TRHDE: variants seen among roughly 807,000 people sequenced by gnomAD.
TRHDE encodes thyrotropin-releasing hormone-degrading ectoenzyme.
A neutral mutation model predicts 125.7 loss-of-function variants in TRHDE; 72 were observed. The observed-to-expected ratio is 0.57, with a 90% CI of 0.47 to 0.70. The LOEUF is 0.70. Among genes scored for constraint, TRHDE ranks in the 30% least tolerant of loss-of-function variants. The pLI is 0.00. For missense variants in TRHDE, 1,110 were observed against 1,327.1 expected (o/e 0.84, Z 2.54); for synonymous variants, 509 against 509.1 (o/e 1.00, Z 0.00).
intron 2 of TRHDE, among the ~76,000 whole-genome samples, chr12:72,246,738 T>C (rs1462568977): frequency 2.0e-5 from 3 of 152,238 alleles, no homozygotes; most frequent in African/African-American, 7.2e-5. Flanking sequence ...GTTGGAAAAG[T>C]CATTTTCTTC....
intron 2 of TRHDE, among the ~76,000 whole-genome samples, chr12:72,187,441 G>C (rs1010189103): frequency 2.9e-5 from 4 of 137,174 alleles, no homozygotes; most frequent in African/African-American, 2.9e-5. Context: ...GGCCCGAGGT[G>C]GGGGGGGTGG....
intron 5 of TRHDE, among the ~76,000 whole-genome samples, chr12:72,480,221 C>G (rs987928113): frequency 8.0e-5 from 12 of 150,550 alleles, no homozygotes; most frequent in African/African-American, 3.0e-4. Context: ...AGTTCTAGAT[C>G]CCTGAGGAAT....
chr12:72,621,330 T>G, intron 14 of TRHDE, 125 bp downstream of exon 14: 2 of 693,824 alleles, frequency 2.9e-6, no homozygotes, highest in Non-Finnish European at 4.9e-6. Flanking sequence ...ACATTTCACT[T>G]TCCCGAGAGG....
intron 2 of TRHDE, among the ~76,000 whole-genome samples, chr12:72,231,919 C>A (rs923862401): frequency 6.6e-6 from 1 of 152,138 alleles, no homozygotes; most frequent in Non-Finnish European, 1.5e-5. Context: ...TTAGTTACAG[C>A]AGACCCAAGA....
At chr12:72,286,351 A>G (rs1019181168) in intron 1 of TRHDE, among the ~76,000 whole-genome samples, 2 of 152,232 alleles carry the variant, frequency 1.3e-5, no homozygotes, top group Admixed American at 6.5e-5. Flanking sequence ...AAGCACACTG[A>G]AAAGGAGAAT....
intron 12 of TRHDE, among the ~76,000 whole-genome samples, chr12:72,593,871 T>C (rs1871805146): frequency 6.6e-6 from 1 of 152,236 alleles, no homozygotes; most frequent in Admixed American, 6.5e-5. Flanking sequence ...CTGCATAGTA[T>C]TCCATGGTGT....
In TRHDE at chr12:72,298,696, G is replaced by A. The variant is rs533175065; in HGVS notation, c.1188+11742G>A. Among the ~76,000 whole-genome samples the A allele has an allele frequency of 3.1e-3, 473 of 152,104 alleles. 1 individual carries two copies. Among genetic ancestry groups the A allele is most frequent in the Non-Finnish European group, 5.8e-3 (395 of 68,014 alleles). ...TTGATTGTATGCTTTAGGCAGAGGG[G>A]AACCATTGAAGGATTTGAGCTTGGG... On this transcript the variant is annotated intron_variant, in intron 2 of 18. Coordinates refer to ENST00000261180, the MANE Select transcript of TRHDE (RefSeq NM_013381.3).
chr12:72,112,716 TTC>T (rs1875348055), intron 2 of TRHDE, among the ~76,000 whole-genome samples: 2 of 152,206 alleles, frequency 1.3e-5, no homozygotes, highest in African/African-American at 4.8e-5. Context: ...TGACTTACAT[TTC>T]TCTTTGGCAA....
intron 18 of TRHDE, among the ~76,000 whole-genome samples, chr12:72,657,257 C>T (rs574407791): frequency 1.3e-5 from 2 of 152,226 alleles, no homozygotes; most frequent in East Asian, 3.9e-4. Context: ...GACCCACAAT[C>T]CACTTCAGAG....
chr12:72,634,665 C>T (rs932512794), intron 15 of TRHDE, among the ~76,000 whole-genome samples: 1 of 142,548 alleles, frequency 7.0e-6, no homozygotes, highest in African/African-American at 2.6e-5. Context: ...CCCCAACCCA[C>T]AACAGTCCCC....
At chr12:72,647,452 A>C (rs181278003) in intron 15 of TRHDE, among the ~76,000 whole-genome samples, 61 of 152,172 alleles carry the variant, frequency 4.0e-4, no homozygotes, top group Admixed American at 1.6e-3. Context: ...AAGGGAGGAA[A>C]TAACAAAGAT....
rs115983473 is a variant in TRHDE at position 72,497,111 on chromosome 12, C to G, written c.1585-2387C>G. Among the ~76,000 whole-genome samples, 957 of 152,026 alleles carry G rather than the reference C, an allele frequency of 6.3e-3. 5 individuals carry two copies. The highest frequency in any genetic ancestry group is 0.021 in the African/African-American group (890 of 41,470). On this transcript the variant is annotated intron_variant, in intron 5 of 18. Transcript: ENST00000261180. ...TGTTGTTTTTTTAATTACACAATAT[C>G]GTTCTCTCCAACAAGGTAGACAGAT...
intron 5 of TRHDE, among the ~76,000 whole-genome samples, chr12:72,483,591 A>G (rs1877273449): frequency 2.0e-5 from 3 of 151,936 alleles, no homozygotes; most frequent in Admixed American, 2.0e-4. Context: ...TGAAGAGCAA[A>G]GCTTTTCTCT....
At chr12:72,323,654 G>C (rs866324040) in intron 2 of TRHDE, among the ~76,000 whole-genome samples, 7 of 152,098 alleles carry the variant, frequency 4.6e-5, no homozygotes, top group Non-Finnish European at 8.8e-5. Context: ...CTCTTGGGAA[G>C]GCTTGGTGCC....
intron 2 of TRHDE, among the ~76,000 whole-genome samples, chr12:72,121,563 C>T (rs939389416): frequency 6.6e-6 from 1 of 152,162 alleles, no homozygotes; most frequent in African/African-American, 2.4e-5. Flanking sequence ...CAGAGATGCT[C>T]ACTCCATGCC....
At chr12:72,405,226 G>A (rs1250691653) in intron 3 of TRHDE, among the ~76,000 whole-genome samples, 1 of 152,188 alleles carries the variant, frequency 6.6e-6, no homozygotes, top group African/African-American at 2.4e-5. Flanking sequence ...ATCGTAACTT[G>A]GCTGTGGGTG....
intron 5 of TRHDE, among the ~76,000 whole-genome samples, chr12:72,474,631 G>A (rs951564912): frequency 2.6e-5 from 4 of 152,072 alleles, no homozygotes; most frequent in African/African-American, 9.7e-5. Flanking sequence ...ATTCTCTTGC[G>A]TGTATACACC....
intron 2 of TRHDE, among the ~76,000 whole-genome samples, chr12:72,154,082 A>G (rs370860445): frequency 6.6e-6 from 1 of 152,128 alleles, no homozygotes; most frequent in Non-Finnish European, 1.5e-5. Flanking sequence ...GGGTGCTCCT[A>G]TATTGGATGC....
At chr12:72,092,599 C>G (rs530534469) in intron 1 of TRHDE, among the ~76,000 whole-genome samples, 3 of 152,316 alleles carry the variant, frequency 2.0e-5, no homozygotes, top group African/African-American at 7.2e-5. Context: ...CAGAGAGCAT[C>G]ATTTCTTTAG....
Sources: allele counts gnomAD v4.1 joint callset (sites outside exome capture counted in the v4.1 genomes callset), GRCh38; gene constraint gnomAD v4.1.1; transcripts MANE v1.5; gene names NCBI Gene and HGNC (gene_info 2026-07-23, HGNC 2026-07-21).